Variants in ROBO1 observed in about 807,000 individuals in gnomAD.
ROBO1 encodes roundabout guidance receptor 1.
In ROBO1, 149 loss-of-function variants were observed where a neutral mutation model predicts 195.9. The ratio of observed to expected loss-of-function variants is 0.76; its 90% CI spans 0.67 to 0.87. The LOEUF (loss-of-function observed/expected upper bound fraction) is 0.87. Ranked by LOEUF, ROBO1 falls within the 40% of genes least tolerant of loss-of-function variation. The probability of loss-of-function intolerance (pLI) is 0.00; values close to 1 mark genes in which losing one functional copy is unlikely to be tolerated. For missense variants in ROBO1, 1,933 were observed against 2,068.3 expected (o/e 0.93, Z 1.27); for synonymous variants, 816 against 733.2 (o/e 1.11, Z -1.82).
At chr3:78,675,237 G>C (rs937826131) in intron 10 of ROBO1, among the ~76,000 whole-genome samples, 1 of 151,824 alleles carries the variant, frequency 6.6e-6, no homozygotes, top group Admixed American at 6.6e-5. Context: ...CAGCGTGAGC[G>C]ACGCAGAAGA....
chr3:78,597,266 A>C lies in ROBO1; in HGVS notation c.*1647T>G, dbSNP rs1444143071. The C allele has an allele frequency of 2.6e-5, 4 of 152,610 alleles. No homozygotes were observed. The highest frequency in any genetic ancestry group is 9.6e-5 in the African/African-American group (4 of 41,456). 9.5% of individuals were successfully genotyped at this position (152,610 alleles called of 1,614,324 possible). ...TATTTGAGAACATTTTTAATAAATA[A>C]TGTGACAAAATTACTTTTCTGATTA... On this transcript the variant is annotated 3_prime_UTR_variant, in exon 31 of 31. Coordinates refer to ENST00000464233, the MANE Select transcript of ROBO1 (RefSeq NM_002941.4).
At chr3:79,640,600 T>G (rs1945630415) in intron 1 of ROBO1, among the ~76,000 whole-genome samples, 1 of 152,152 alleles carries the variant, frequency 6.6e-6, no homozygotes, top group Non-Finnish European at 1.5e-5. Context: ...TGACTTCAAT[T>G]TTATGTACCT....
At chr3:79,734,790 T>C (rs964078834) in intron 1 of ROBO1, among the ~76,000 whole-genome samples, 1 of 150,798 alleles carries the variant, frequency 6.6e-6, no homozygotes, top group Admixed American at 6.6e-5. Context: ...TGGGCACCAA[T>C]GCTGCCAGTC....
At chr3:79,103,993 G>A (rs574038560) in intron 3 of ROBO1, among the ~76,000 whole-genome samples, 4 of 151,644 alleles carry the variant, frequency 2.6e-5, no homozygotes, top group African/African-American at 4.8e-5. Flanking sequence ...AATATGGCCC[G>A]AACCTCTGCT....
chr3:78,665,405 C>A (rs1707672729), intron 14 of ROBO1, among the ~76,000 whole-genome samples: 2 of 152,112 alleles, frequency 1.3e-5, no homozygotes, highest in African/African-American at 4.8e-5. Flanking sequence ...TTTAGTCTAT[C>A]CTTTTACAGC....
chr3:79,279,037 G>A (rs919893360), intron 2 of ROBO1, among the ~76,000 whole-genome samples: 1 of 152,066 alleles, frequency 6.6e-6, no homozygotes. Flanking sequence ...CACTTTGGGA[G>A]GCCAAGCAGG....
intron 4 of ROBO1, among the ~76,000 whole-genome samples, chr3:78,805,871 C>T (rs1358565009): frequency 1.3e-5 from 2 of 151,964 alleles, no homozygotes; most frequent in African/African-American, 4.8e-5. Context: ...TACATTTGTG[C>T]TAAAATTATA....
intron 1 of ROBO1, among the ~76,000 whole-genome samples, chr3:79,738,546 T>C (rs987048972): frequency 2.6e-5 from 4 of 152,186 alleles, no homozygotes; most frequent in Non-Finnish European, 5.9e-5. Flanking sequence ...AAAAAAGTTA[T>C]TCGTGTGAGA....
At chr3:79,700,653 T>G (rs1036162921) in intron 1 of ROBO1, among the ~76,000 whole-genome samples, 1 of 151,902 alleles carries the variant, frequency 6.6e-6, no homozygotes, top group African/African-American at 2.4e-5. Context: ...TTCATGTTTG[T>G]TGGCCACCTG....
chr3:78,934,571 C>T (rs948698468), intron 4 of ROBO1, among the ~76,000 whole-genome samples: 20 of 151,788 alleles, frequency 1.3e-4, no homozygotes, highest in Admixed American at 9.2e-4. Flanking sequence ...TTTTCACATA[C>T]ATATATTTAT....
At chr3:79,441,956 CAAGT>C (rs897773729) in intron 2 of ROBO1, among the ~76,000 whole-genome samples, 6 of 151,758 alleles carry the variant, frequency 4.0e-5, no homozygotes, top group African/African-American at 1.2e-4. Flanking sequence ...TTGATTTAAA[CAAGT>C]AAGTTATATT....
chr3:78,608,273 C>G (rs1703586444), intron 28 of ROBO1, among the ~76,000 whole-genome samples: 1 of 151,802 alleles, frequency 6.6e-6, no homozygotes, highest in South Asian at 2.1e-4. Flanking sequence ...ACCCGATTAA[C>G]TTTTGTAGTT....
chr3:78,927,382 T>G (rs1039107607), intron 4 of ROBO1, among the ~76,000 whole-genome samples: 5 of 152,196 alleles, frequency 3.3e-5, no homozygotes, highest in Non-Finnish European at 7.3e-5. Flanking sequence ...CCACAAAGTA[T>G]GAAATATTAC....
chr3:79,299,560 TTGATA>T (rs1208837831), intron 2 of ROBO1, among the ~76,000 whole-genome samples: 3 of 152,204 alleles, frequency 2.0e-5, no homozygotes, highest in Non-Finnish European at 2.9e-5. Flanking sequence ...CGTTGCTTGC[TTGATA>T]TGAGATTTGA....
At chr3:79,331,189 A>C (rs2034425221) in intron 2 of ROBO1, among the ~76,000 whole-genome samples, 2 of 152,238 alleles carry the variant, frequency 1.3e-5, no homozygotes, top group African/African-American at 4.8e-5. Context: ...CAGCATAAAT[A>C]AGTTATGACC....
chr3:79,731,559 C>T (rs1470958882), intron 1 of ROBO1, among the ~76,000 whole-genome samples: 1 of 152,020 alleles, frequency 6.6e-6, no homozygotes, highest in Non-Finnish European at 1.5e-5. Flanking sequence ...ATCCTAGATG[C>T]TGTAAGGAGT....
At chr3:79,534,903 C>T (rs1445685796) in intron 2 of ROBO1, among the ~76,000 whole-genome samples, 2 of 152,132 alleles carry the variant, frequency 1.3e-5, no homozygotes, top group Non-Finnish European at 2.9e-5. Context: ...CGCATACTAA[C>T]GACTGCAGCT....
At chr3:79,650,501 A>G (rs1945971364) in intron 1 of ROBO1, among the ~76,000 whole-genome samples, 1 of 151,796 alleles carries the variant, frequency 6.6e-6, no homozygotes, top group African/African-American at 2.4e-5. Context: ...TTTGATGGTA[A>G]AATACATAAT....
At chr3:78,722,734 T>C (rs1482332520) in intron 5 of ROBO1, among the ~76,000 whole-genome samples, 2 of 152,178 alleles carry the variant, frequency 1.3e-5, no homozygotes, top group African/African-American at 4.8e-5. Flanking sequence ...CAGATACATA[T>C]ACTTAGGAAA....
Sources: allele counts gnomAD v4.1 joint callset (sites outside exome capture counted in the v4.1 genomes callset), GRCh38; gene constraint gnomAD v4.1.1; transcripts MANE v1.5; gene names NCBI Gene and HGNC (gene_info 2026-07-23, HGNC 2026-07-21).